The following UVRAG variants were observed in gnomAD, a reference collection of about 807,000 sequenced individuals.
UVRAG encodes the protein UV radiation resistance-associated gene protein.
UVRAG carries 19 observed loss-of-function variants against 78.0 expected under a neutral mutation model. The observed-to-expected ratio is 0.24, with a 90% confidence interval of 0.17 to 0.36. UVRAG has a LOEUF of 0.36. Among genes scored for constraint, UVRAG ranks in the 10% least tolerant of loss-of-function variants. The pLI, the probability that UVRAG is intolerant of heterozygous loss-of-function variation, is 1.00. For synonymous variants in UVRAG, 323 were observed against 324.6 expected (o/e 1.00, Z 0.05); for missense variants, 740 against 853.8 (o/e 0.87, Z 1.66).
chr11:75,892,651 C>T (rs1947239221), intron 5 of UVRAG, among the ~76,000 whole-genome samples: 1 of 152,090 alleles, frequency 6.6e-6, no homozygotes, highest in Non-Finnish European at 1.5e-5. Context: ...TGTACTTTCC[C>T]CTATTGTCCT....
intron 1 of UVRAG, among the ~76,000 whole-genome samples, chr11:75,844,611 T>G (rs529801879): frequency 6.6e-6 from 1 of 152,216 alleles, no homozygotes; most frequent in African/African-American, 2.4e-5. Flanking sequence ...ACAGTCATAC[T>G]AATGAGTATG....
rs1234770927 is a variant in UVRAG at position 75,951,445 on chromosome 11, C to T, written c.594-9999C>T. On this transcript the variant is annotated intron_variant, in intron 6 of 14. Coordinates refer to ENST00000356136, the MANE Select transcript of UVRAG (RefSeq NM_003369.4). ...TTGCCTAGGCTGGAGTACAATGGTG[C>T]GATCTCAGCTCACCACAACCTCTGC... Among the ~76,000 whole-genome samples, 5 of 151,702 alleles carry T rather than the reference C, an allele frequency of 3.3e-5. No homozygotes were observed. The East Asian group carries it at 5.8e-4, about 18-fold the overall frequency.
chr11:75,850,371 A>G (rs7102204), intron 1 of UVRAG, among the ~76,000 whole-genome samples: 265 of 152,286 alleles, frequency 1.7e-3, no homozygotes, highest in African/African-American at 6.2e-3. Context: ...GCGGGATGGC[A>G]TTGAGGTCTA....
intron 14 of UVRAG, among the ~76,000 whole-genome samples, chr11:76,120,724 A>G (rs137876925): frequency 6.6e-6 from 1 of 152,310 alleles, no homozygotes; most frequent in Non-Finnish European, 1.5e-5. Flanking sequence ...AATGCTACAT[A>G]TCAGTTCCAA....
chr11:75,902,359 C>A (rs1012902256), intron 5 of UVRAG, among the ~76,000 whole-genome samples: 9 of 152,156 alleles, frequency 5.9e-5, no homozygotes, highest in Non-Finnish European at 1.2e-4. Context: ...CAACCTAGAT[C>A]CCTTGCATGT....
intron 5 of UVRAG, among the ~76,000 whole-genome samples, chr11:75,901,775 T>C (rs138424904): frequency 1.2e-4 from 18 of 152,360 alleles, no homozygotes; most frequent in African/African-American, 4.1e-4. Flanking sequence ...TTATGAGGTC[T>C]TGCTATTCCT....
chr11:76,033,715 C>T (rs143877349), intron 12 of UVRAG, among the ~76,000 whole-genome samples: 7 of 151,878 alleles, frequency 4.6e-5, no homozygotes, highest in Non-Finnish European at 8.8e-5. Context: ...AAGAACAAAC[C>T]CTAGATGTTT....
chr11:75,853,930 G>A (rs566109567), intron 2 of UVRAG, among the ~76,000 whole-genome samples: 7 of 151,600 alleles, frequency 4.6e-5, no homozygotes, highest in South Asian at 2.1e-4. Context: ...CTGCCACCAC[G>A]TCCAGCTGAT....
At chr11:76,065,352 C>G (rs1047760940) in intron 12 of UVRAG, among the ~76,000 whole-genome samples, 4 of 152,194 alleles carry the variant, frequency 2.6e-5, no homozygotes, top group Non-Finnish European at 5.9e-5. Flanking sequence ...GTTGAGATGT[C>G]AGGTCCAAGA....
chr11:76,102,389 G>A (rs1022230105), intron 13 of UVRAG, among the ~76,000 whole-genome samples: 1 of 152,006 alleles, frequency 6.6e-6, no homozygotes, highest in Non-Finnish European at 1.5e-5. Context: ...GCTGTTGTTG[G>A]GAATGCTAGT....
intron 5 of UVRAG, among the ~76,000 whole-genome samples, chr11:75,910,923 T>C (rs1178399989): frequency 1.3e-5 from 2 of 152,188 alleles, no homozygotes; most frequent in Non-Finnish European, 2.9e-5. Context: ...TGGCTAGGCA[T>C]AGTTGAAATA....
Position 75,885,264 on chromosome 11 carries a change from A to G in UVRAG, c.433-3565A>G, listed in dbSNP as rs113598963. ...TAGATTTCTTTTGTAGATTGCTTAC[A>G]TGGGTCATGTATCATCCTAACTTGC... On this transcript the variant is annotated intron_variant, in intron 4 of 14. Transcript: ENST00000356136. 3.3e-3 allele frequency among the ~76,000 whole-genome samples: 508 copies of G among 152,166 alleles called. 1 individual carries two copies. Among genetic ancestry groups the G allele is most frequent in the Admixed American group, 8.4e-3 (128 of 15,282 alleles).
At chr11:76,136,509 CTT>C (rs200388478) in intron 14 of UVRAG, among the ~76,000 whole-genome samples, 1,801 of 136,008 alleles carry the variant, frequency 0.013, 43 homozygotes, top group African/African-American at 0.045. Flanking sequence ...TTCTTGTTTC[CTT>C]TTTTTTTTTT....
intron 10 of UVRAG, among the ~76,000 whole-genome samples, chr11:76,008,499 T>C (rs1213325290): frequency 1.3e-5 from 2 of 152,240 alleles, no homozygotes; most frequent in Non-Finnish European, 2.9e-5. Flanking sequence ...GATTTGAGTT[T>C]GCTTATAGAA....
At chr11:75,966,206 A>G (rs1484917955) in intron 7 of UVRAG, among the ~76,000 whole-genome samples, 2 of 152,194 alleles carry the variant, frequency 1.3e-5, no homozygotes, top group East Asian at 1.9e-4. Context: ...ATAAACCTAA[A>G]TTGATTATAA....
At position 76,047,867 on chromosome 11, in the gene UVRAG, C is replaced by T. The variant is rs566907095; in HGVS notation, c.1227-17843C>T. Among the ~76,000 whole-genome samples the T allele has an allele frequency of 3.9e-5, 6 of 152,304 alleles. No individual in the cohort carries two copies. The East Asian group carries it at 1.2e-3, about 29-fold the overall frequency. On this transcript the variant is annotated intron_variant, in intron 12 of 14. Coordinates refer to ENST00000356136, the MANE Select transcript of UVRAG (RefSeq NM_003369.4). ...TGTGTACATGTGTAACATCCTCCAA[C>T]TTTAGAATTTTGTGCCCTGGATTTG... is the stretch of plus-strand genomic sequence containing the variant.
chr11:76,105,707 C>A (rs1326706318), intron 13 of UVRAG, among the ~76,000 whole-genome samples: 1 of 152,138 alleles, frequency 6.6e-6, no homozygotes, highest in East Asian at 1.9e-4. Context: ...GTGGTCACAC[C>A]ACTGCACTCC....
At chr11:75,926,233 A>G (rs1014114426) in intron 6 of UVRAG, among the ~76,000 whole-genome samples, 2 of 152,154 alleles carry the variant, frequency 1.3e-5, no homozygotes, top group Admixed American at 6.5e-5. Context: ...CTCTGACTCT[A>G]TGACCACATA....
At chr11:75,937,507 C>T (rs1208063723) in intron 6 of UVRAG, among the ~76,000 whole-genome samples, 1 of 152,134 alleles carries the variant, frequency 6.6e-6, no homozygotes, top group Non-Finnish European at 1.5e-5. Flanking sequence ...TTGGAAGATG[C>T]TTTCATTGGG....
Sources: gnomAD v4.1 joint callset for allele counts (sites outside exome capture counted in the v4.1 genomes callset) on GRCh38, gnomAD v4.1.1 for gene constraint, MANE v1.5 for transcripts, NCBI Gene and HGNC (gene_info 2026-07-23, HGNC 2026-07-21) for gene names.